The following RFTN1 variants were observed in gnomAD, a reference collection of about 807,000 sequenced individuals.
The protein encoded by RFTN1 is raftlin, lipid raft linker 1, also known as raftlin.
In RFTN1, 26 loss-of-function variants were observed where a neutral mutation model predicts 46.5. The observed-to-expected ratio is 0.56, with a 90% CI of 0.41 to 0.78. The LOEUF is 0.78. RFTN1 is among the 30% of genes least tolerant of loss of function. RFTN1 has a pLI of 0.00. For synonymous variants in RFTN1, 261 were observed against 284.2 expected (o/e 0.92, Z 0.82); for missense variants, 693 against 718.7 (o/e 0.96, Z 0.41).
chr3:16,326,329 C>T (rs568833), intron 8 of RFTN1, among the ~76,000 whole-genome samples: 70,710 of 152,176 alleles, frequency 0.46, 16,604 homozygotes, highest in African/African-American at 0.53. Flanking sequence ...CCTCAACCTC[C>T]CTGGCTACAC....
rs968474300 is a variant in RFTN1 at position 16,400,696 on chromosome 3, C to A, written c.441+8679G>T. Among the ~76,000 whole-genome samples, 1 of 152,160 alleles carries A rather than the reference C, an allele frequency of 6.6e-6. No individual in the cohort carries two copies. The highest frequency in any genetic ancestry group is 2.4e-5 in the African/African-American group (1 of 41,418). On this transcript the variant is annotated intron_variant, in intron 4 of 9. Coordinates refer to ENST00000334133, the MANE Select transcript of RFTN1 (RefSeq NM_015150.2). The surrounding 1 kb of genome is among the most constrained non-coding windows in gnomAD (Gnocchi z 4.5). ...GAGACAAGCGTATGACCCCTTCCCTCCCTCCGGCTTAAATTAACTTCAGCG... is the reference window on the plus strand; with the variant it reads ...GAGACAAGCGTATGACCCCTTCCCTACCTCCGGCTTAAATTAACTTCAGCG...
intron 3 of RFTN1, among the ~76,000 whole-genome samples, chr3:16,417,693 G>T (rs117905319): frequency 6.6e-6 from 1 of 152,142 alleles, no homozygotes; most frequent in African/African-American, 2.4e-5. Context: ...CCAAACTAGC[G>T]CTGTAAACTC....
At chr3:16,319,949 T>TA (rs11444742) in intron 9 of RFTN1, among the ~76,000 whole-genome samples, 2,177 of 152,256 alleles carry the variant, frequency 0.014, 65 homozygotes, top group African/African-American at 0.05. Context: ...AAGCCGCAGA[T>TA]AAAACAGGTT....
intron 5 of RFTN1, among the ~76,000 whole-genome samples, chr3:16,373,258 C>T (rs992980253): frequency 2.6e-5 from 4 of 152,190 alleles, no homozygotes; most frequent in African/African-American, 9.6e-5. Context: ...TGGCAGAGCA[C>T]CCAAGGAGCA....
At chr3:16,331,028 A>G (rs541795421) in intron 7 of RFTN1, among the ~76,000 whole-genome samples, 7 of 152,320 alleles carry the variant, frequency 4.6e-5, no homozygotes, top group African/African-American at 1.4e-4. Flanking sequence ...CATGATTGTA[A>G]ATGAAGAAAG....
rs972311095 is a variant in RFTN1, at chr3:16,422,243, T to C, written c.332+11608A>G. On this transcript the variant is annotated intron_variant, in intron 3 of 9. Coordinates refer to ENST00000334133, the MANE Select transcript of RFTN1 (RefSeq NM_015150.2). This position sits in a 1 kb window ranked among gnomAD's most constrained non-coding sequence, Gnocchi z 4.6. ...TCTTAAATTAGTGTGTTAATGTAAC[T>C]ACAATTTCAACAGAGTTTACCAGGA... Among the ~76,000 whole-genome samples, 2 of 152,198 alleles carry C rather than the reference T, an allele frequency of 1.3e-5. No homozygotes were observed. Among genetic ancestry groups the C allele is most frequent in the Admixed American group, 6.5e-5 (1 of 15,280 alleles).
In RFTN1 at chr3:16,507,766, A is replaced by G. The variant is rs953124396; in HGVS notation, c.-9+5676T>C. On this transcript the variant is annotated intron_variant, in intron 1 of 9. Transcript: ENST00000334133. The surrounding 1 kb of genome is among the most constrained non-coding windows in gnomAD (Gnocchi z 7.1). ...ATACATGCACACTCACATACACACA[A>G]ACACACACATACACTCACATACACA... 6.6e-6 allele frequency among the ~76,000 whole-genome samples: 1 copy of G among 150,440 alleles called. No homozygotes were observed. Among genetic ancestry groups the G allele is most frequent in the African/African-American group, 2.5e-5 (1 of 40,808 alleles).
At chr3:16,326,552 A>T (rs781241981) in intron 8 of RFTN1, among the ~76,000 whole-genome samples, 1 of 152,120 alleles carries the variant, frequency 6.6e-6, no homozygotes, top group Admixed American at 6.6e-5. Flanking sequence ...AATGACTCAC[A>T]GGGCCCCCCA....
At chr3:16,397,402 A>G (rs370336914) in intron 4 of RFTN1, among the ~76,000 whole-genome samples, 1 of 152,236 alleles carries the variant, frequency 6.6e-6, no homozygotes, top group Non-Finnish European at 1.5e-5. Context: ...TGCAGGATGA[A>G]TAAGTCTGGA....
chr3:16,387,469 G>A lies in RFTN1; in HGVS notation c.442-9367C>T, dbSNP rs2074218207. 6.6e-6 allele frequency among the ~76,000 whole-genome samples: 1 copy of A among 152,004 alleles called. No individual in the cohort carries two copies. Among genetic ancestry groups the A allele is most frequent in the Admixed American group, 6.6e-5 (1 of 15,252 alleles). On this transcript the variant is annotated intron_variant, in intron 4 of 9. Coordinates refer to ENST00000334133, the MANE Select transcript of RFTN1 (RefSeq NM_015150.2). The surrounding 1 kb of genome is among the most constrained non-coding windows in gnomAD (Gnocchi z 5.2). The stretch of plus-strand genomic sequence containing the variant: ...CACTCTTTGTCCCCAGCATCGGTGT[G>A]ACCCGGTTAAGGCAAAACCCAGGCC...
Position 16,335,237 on chromosome 3 carries a change from G to A in RFTN1, c.1147-8361C>T, listed in dbSNP as rs891543256. 1.1e-4 allele frequency among the ~76,000 whole-genome samples: 17 copies of A among 152,236 alleles called. No individual in the cohort carries two copies. The highest frequency in any genetic ancestry group is 2.2e-4 in the Non-Finnish European group (15 of 68,042). On this transcript the variant is annotated intron_variant, in intron 7 of 9. Coordinates refer to ENST00000334133, the MANE Select transcript of RFTN1 (RefSeq NM_015150.2). The surrounding 1 kb of genome is among the most constrained non-coding windows in gnomAD (Gnocchi z 4.7). The stretch of plus-strand genomic sequence containing the variant: ...TAAACACTTGGAGGTGCTGACAGAT[G>A]CAGGGTAGGTGAAAACTCCTGGAGG...
At chr3:16,511,350 G>C (rs1471354698) in intron 1 of RFTN1, among the ~76,000 whole-genome samples, 1 of 152,190 alleles carries the variant, frequency 6.6e-6, no homozygotes, top group Non-Finnish European at 1.5e-5. Context: ...AAATGTTTAG[G>C]AATGACCTGT....
rs924447723 is a variant in RFTN1, at chr3:16,334,143, C to T, written c.1147-7267G>A. Among the ~76,000 whole-genome samples the T allele has an allele frequency of 6.6e-6, 1 of 152,020 alleles. No homozygotes were observed. The highest frequency in any genetic ancestry group is 1.5e-5 in the Non-Finnish European group (1 of 67,992). On this transcript the variant is annotated intron_variant, in intron 7 of 9. Coordinates refer to ENST00000334133, the MANE Select transcript of RFTN1 (RefSeq NM_015150.2). This position sits in a 1 kb window ranked among gnomAD's most constrained non-coding sequence, Gnocchi z 4.3. ...TCGTGCCACTGCACTCCAGCCTGGG[C>T]GACAGAGCAAGACTCTGTCTCAAAA...
rs1482487023 is a variant in RFTN1, at chr3:16,466,493, G to A, written c.145+27232C>T. ...CATGAAGCTCAGAAAAAGATGCAGA[G>A]GATTCCTTCTGTTCTTTGATGAACA... On this transcript the variant is annotated intron_variant, in intron 2 of 9. Coordinates refer to ENST00000334133, the MANE Select transcript of RFTN1 (RefSeq NM_015150.2). The surrounding 1 kb of genome is among the most constrained non-coding windows in gnomAD (Gnocchi z 5.6). Among the ~76,000 whole-genome samples the A allele has an allele frequency of 6.6e-6, 1 of 152,170 alleles. No homozygotes were observed. The highest frequency in any genetic ancestry group is 2.4e-5 in the African/African-American group (1 of 41,434).
In RFTN1 at chr3:16,500,800, C is replaced by T. The variant is rs1228204413; in HGVS notation, c.-8-6923G>A. On this transcript the variant is annotated intron_variant, in intron 1 of 9. Coordinates refer to ENST00000334133, the MANE Select transcript of RFTN1 (RefSeq NM_015150.2). The surrounding 1 kb of genome is among the most constrained non-coding windows in gnomAD (Gnocchi z 5.9). ...CATTCATCCATCCATTCATTCAACA[C>T]ACATTTATTGAGGTCTGCTTTGAGT... is the stretch of plus-strand genomic sequence containing the variant. Among the ~76,000 whole-genome samples, 1 of 152,132 alleles carries T rather than the reference C, an allele frequency of 6.6e-6. No individual in the cohort carries two copies. The highest frequency in any genetic ancestry group is 2.4e-5 in the African/African-American group (1 of 41,436).
chr3:16,508,291 G>A (rs956679994), intron 1 of RFTN1, among the ~76,000 whole-genome samples: 3 of 152,150 alleles, frequency 2.0e-5, no homozygotes, highest in African/African-American at 7.2e-5. Context: ...CCCGGAGGCA[G>A]GTCAAATCCA....
intron 2 of RFTN1, among the ~76,000 whole-genome samples, chr3:16,439,742 A>G (rs951855007): frequency 6.6e-6 from 1 of 152,172 alleles, no homozygotes; most frequent in African/African-American, 2.4e-5. Flanking sequence ...GAGAAACATC[A>G]CTGCTGCCCG....
chr3:16,428,725 A>G lies in RFTN1; in HGVS notation c.332+5126T>C, dbSNP rs1376024101. Among the ~76,000 whole-genome samples, 1 of 152,216 alleles carries G rather than the reference A, an allele frequency of 6.6e-6. No homozygotes were observed. The highest frequency in any genetic ancestry group is 1.5e-5 in the Non-Finnish European group (1 of 68,034). On this transcript the variant is annotated intron_variant, in intron 3 of 9. Coordinates refer to ENST00000334133, the MANE Select transcript of RFTN1 (RefSeq NM_015150.2). This position sits in a 1 kb window ranked among gnomAD's most constrained non-coding sequence, Gnocchi z 4.7. ...TCCATGTGTGTACAACGACAATTCAACAGCTGAAAAATGGCCAGCACCATG... is the reference window on the plus strand; with the variant it reads ...TCCATGTGTGTACAACGACAATTCAGCAGCTGAAAAATGGCCAGCACCATG...
rs986065783 is a variant in RFTN1 at position 16,429,872 on chromosome 3, A to G, written c.332+3979T>C. Among the ~76,000 whole-genome samples, 1 of 152,228 alleles carries G rather than the reference A, an allele frequency of 6.6e-6. No individual in the cohort carries two copies. The highest frequency in any genetic ancestry group is 1.5e-5 in the Non-Finnish European group (1 of 68,038). ...AGTTCACTTGGGTCAACAATAATCT[A>G]GAATGTGTATCTACATCTCTTTCAA... is the stretch of plus-strand genomic sequence containing the variant. On this transcript the variant is annotated intron_variant, in intron 3 of 9. Coordinates refer to ENST00000334133, the MANE Select transcript of RFTN1 (RefSeq NM_015150.2). This position sits in a 1 kb window ranked among gnomAD's most constrained non-coding sequence, Gnocchi z 6.4.
Sources: gnomAD v4.1 joint callset for allele counts (sites outside exome capture counted in the v4.1 genomes callset) on GRCh38, gnomAD v4.1.1 for gene constraint, Gnocchi (gnomAD v3.1) non-coding constraint, MANE v1.5 for transcripts, NCBI Gene and HGNC (gene_info 2026-07-23, HGNC 2026-07-21) for gene names.